SLC9A6: variants seen among roughly 807,000 people sequenced by gnomAD.
SLC9A6 encodes the protein sodium/hydrogen exchanger 6.
SLC9A6 carries 6 observed loss-of-function variants against 45.3 expected under a neutral mutation model. That is an observed-to-expected ratio of 0.13 (90% confidence interval 0.07 to 0.26). The LOEUF (loss-of-function observed/expected upper bound fraction) is 0.26, where lower values mean the gene tolerates loss of function less well. Among genes scored for constraint, SLC9A6 ranks in the 10% least tolerant of loss-of-function variants. SLC9A6 has a pLI of 1.00. For synonymous variants in SLC9A6, 191 were observed against 187.7 expected (o/e 1.02, Z -0.14); for missense variants, 278 against 503.7 (o/e 0.55, Z 4.29).
At position 136,024,489 on chromosome X, in the gene SLC9A6, TACTA is replaced by T. The variant is rs781986339; in HGVS notation, c.1460+11_1460+14del. 1.7e-6 allele frequency: 2 copies of T among 1,193,748 alleles called. No homozygotes were observed. The highest frequency in any genetic ancestry group is 3.5e-5 in the African/African-American group (2 of 56,956). ...CTGTCATGCTTGCATATCAGGTAAG[TACTA>T]ACTAGAGACCTCATTTTAAGATTAA... is the stretch of plus-strand genomic sequence containing the variant. On this transcript the variant is annotated splice_region_variant and intron_variant, in intron 13 of 17. Coordinates refer to ENST00000630721, the MANE Select transcript of SLC9A6 (RefSeq NM_001379110.1).
intron 1 of SLC9A6, chrX:135,974,801 G>T: frequency 3.2e-6 from 1 of 317,372 alleles, no homozygotes; most frequent in Non-Finnish European, 6.4e-6. Flanking sequence ...AGAAAGATTC[G>T]CGCAAAAAGA....
At chrX:136,030,259 T>C in intron 15 of SLC9A6, 97 bp downstream of exon 15, 1 of 854,846 alleles carries the variant, frequency 1.2e-6, no homozygotes, top group South Asian at 2.0e-5. Context: ...TCTATTTAGA[T>C]CCTGTCCTCT....
At chrX:136,014,783 A>G (rs1556619086) in intron 10 of SLC9A6, among the ~76,000 whole-genome samples, 1 of 112,560 alleles carries the variant, frequency 8.9e-6, no homozygotes, top group African/African-American at 3.2e-5. Flanking sequence ...ACAAACAAAC[A>G]ACAAAAAACT....
At chrX:136,002,007 G>A in intron 6 of SLC9A6, 101 bp from the exon 7 acceptor site, 2 of 572,632 alleles carry the variant, frequency 3.5e-6, no homozygotes, top group Admixed American at 4.6e-5. Context: ...TTGAATTCTA[G>A]GAGGAAATGA....
At chrX:136,011,364 C>T (rs782142324) in intron 8 of SLC9A6, among the ~76,000 whole-genome samples, 5 of 111,670 alleles carry the variant, frequency 4.5e-5, no homozygotes, top group African/African-American at 9.8e-5. Flanking sequence ...CTCAGCCTCC[C>T]AAGTAGCTGG....
At chrX:135,993,645 G>A (rs1556616054) in intron 2 of SLC9A6, among the ~76,000 whole-genome samples, 1 of 110,741 alleles carries the variant, frequency 9.0e-6, no homozygotes, top group African/African-American at 3.3e-5. Flanking sequence ...ACAAAAATTA[G>A]CCAGGTGTGT....
At chrX:136,026,059 G>A (rs1362847414) in intron 13 of SLC9A6, among the ~76,000 whole-genome samples, 3 of 112,161 alleles carry the variant, frequency 2.7e-5, no homozygotes, top group Non-Finnish European at 3.8e-5. Flanking sequence ...CTCTTTGGCC[G>A]CATAGTGCCT....
At chrX:136,010,660 G>A in intron 8 of SLC9A6, 77 bp downstream of exon 8, 1 of 922,181 alleles carries the variant, frequency 1.1e-6, no homozygotes, top group South Asian at 2.0e-5. Context: ...GTTTTTCCTA[G>A]TTCTATGATT....
intron 16 of SLC9A6, among the ~76,000 whole-genome samples, chrX:136,036,257 T>A (rs1167052457): frequency 1.8e-5 from 2 of 111,850 alleles, no homozygotes; most frequent in East Asian, 5.6e-4. Flanking sequence ...AATTTGCATT[T>A]CTCTGATGAC....
At chrX:136,003,506 G>T (rs2089612153) in intron 7 of SLC9A6, among the ~76,000 whole-genome samples, 1 of 111,780 alleles carries the variant, frequency 8.9e-6, no homozygotes, top group Admixed American at 9.5e-5. Context: ...TTGTTTATTT[G>T]CTCAGTCTCC....
At chrX:136,011,461 C>T (rs2070920030) in intron 8 of SLC9A6, among the ~76,000 whole-genome samples, 2 of 110,163 alleles carry the variant, frequency 1.8e-5, no homozygotes, top group Admixed American at 9.7e-5. Context: ...AGGCTGATCT[C>T]GAACTCCTGA....
At chrX:136,030,084 C>G in intron 14 of SLC9A6, 48 bp from the exon 15 acceptor site, 1 of 1,170,522 alleles carries the variant, frequency 8.5e-7, no homozygotes, top group Non-Finnish European at 1.2e-6. Context: ...GTGAATAGAC[C>G]ATTTTTTGGC....
chrX:135,999,498 G>A (rs1475254456), intron 6 of SLC9A6, among the ~76,000 whole-genome samples: 1 of 112,080 alleles, frequency 8.9e-6, no homozygotes, highest in Non-Finnish European at 1.9e-5. Context: ...ATACATTAAA[G>A]AATTGTTTTT....
intron 16 of SLC9A6, among the ~76,000 whole-genome samples, chrX:136,038,368 G>C (rs2071446745): frequency 8.9e-6 from 1 of 112,039 alleles, no homozygotes; most frequent in Admixed American, 9.5e-5. Context: ...TGTTAAACTA[G>C]TCTTGCATTG....
intron 7 of SLC9A6, chrX:136,010,165 C>G (rs782665088): frequency 6.2e-5 from 23 of 368,753 alleles, no homozygotes; most frequent in African/African-American, 4.9e-4. Context: ...TGCACAGTAT[C>G]TTGGGGATGG....
intron 11 of SLC9A6, among the ~76,000 whole-genome samples, chrX:136,021,584 T>A (rs1422456354): frequency 1.8e-5 from 2 of 112,519 alleles, no homozygotes; most frequent in Non-Finnish European, 3.8e-5. Context: ...TGGAGTGCAG[T>A]GGCACGATCT....
At chrX:136,032,526 A>G (rs781933607) in intron 15 of SLC9A6, among the ~76,000 whole-genome samples, 51 of 112,538 alleles carry the variant, frequency 4.5e-4, no homozygotes, top group Middle Eastern at 4.6e-3. Flanking sequence ...CTTAATGTCA[A>G]TAAGCTGGGA....
upstream of SLC9A6, chrX:135,985,298 G>T: frequency 3.4e-6 from 1 of 293,139 alleles, no homozygotes; most frequent in Non-Finnish European, 5.9e-6. Flanking sequence ...TCCCGGCAGC[G>T]CCTGTGGGTG....
rs2071572827 is a variant in SLC9A6 at position 136,044,828 on chromosome X, A to G, written c.*104A>G. On this transcript the variant is annotated 3_prime_UTR_variant, in exon 18 of 18. Coordinates refer to ENST00000630721, the MANE Select transcript of SLC9A6 (RefSeq NM_001379110.1). ...GTGCATGTCTCTGAATGTGTAAGCT[A>G]TATAAATGCTATTTATATGGCATAG... is the stretch of plus-strand genomic sequence containing the variant. 1 of 702,200 alleles carries G rather than the reference A, an allele frequency of 1.4e-6. No individual in the cohort carries two copies. The highest frequency in any genetic ancestry group is 2.3e-6 in the Non-Finnish European group (1 of 444,305). 57.9% of individuals were successfully genotyped at this position (702,200 alleles called of 1,213,427 possible).
Sources: allele counts gnomAD v4.1 joint callset (sites outside exome capture counted in the v4.1 genomes callset), GRCh38; gene constraint gnomAD v4.1.1; transcripts MANE v1.5; gene names NCBI Gene and HGNC (gene_info 2026-07-23, HGNC 2026-07-21).